CNOT6: variants seen among roughly 807,000 people sequenced by gnomAD.
The protein encoded by CNOT6 is carbon catabolite repression 4 protein.
In CNOT6, 12 loss-of-function variants were observed where a neutral mutation model predicts 61.2. The observed-to-expected ratio is 0.20, with a 90% CI of 0.13 to 0.32. The LOEUF (loss-of-function observed/expected upper bound fraction) is 0.32. Among genes scored for constraint, CNOT6 ranks in the 10% least tolerant of loss-of-function variants. The pLI is 1.00. For missense variants in CNOT6, 405 were observed against 663.9 expected, an observed-to-expected ratio of 0.61 and a Z score of 4.28; for synonymous variants, 225 against 240.6, an observed-to-expected ratio of 0.94 and a Z score of 0.60.
Position 180,541,438 on chromosome 5 carries a change from GA to G in CNOT6, c.113-8490del, listed in dbSNP as rs1260530096. Among the ~76,000 whole-genome samples, 52 of 54,462 alleles carry G rather than the reference GA, an allele frequency of 9.5e-4. 5 individuals carry two copies. Among genetic ancestry groups the G allele is most frequent in the African/African-American group, 2.5e-3 (46 of 18,244 alleles). 35.7% of individuals were successfully genotyped at this position (54,462 alleles called of 152,430 possible). On this transcript the variant is annotated intron_variant, in intron 2 of 11. Transcript: ENST00000261951. ...GGCATGAACCACCACAACTGGCCAA[GA>G]AATTTTTTTTTTTTTTTTTTTTTTT...
Position 180,564,729 on chromosome 5 carries a change from G to A in CNOT6, c.545G>A (p.Arg182Lys). ...TGGATTATGTTACAAGAACCAGATA[G>A]GACAAGGCCAACTGGTTGGTAGTCT... ...RSWIMLQEPD[R>K]TRPTALFSVM... Residue 182 changes from arginine (R) to lysine (K), a missense_variant, in exon 6 of 12, where the codon AGG becomes AAG. Physicochemically the swap from Arg to Lys is conservative, Grantham distance 26. Coordinates refer to ENST00000261951, the MANE Select transcript of CNOT6 (RefSeq NM_001370472.1). The A allele has an allele frequency of 6.2e-7, 1 of 1,613,622 alleles. No individual in the cohort carries two copies. The highest frequency in any genetic ancestry group is 1.1e-5 in the South Asian group (1 of 91,070).
rs1041536374 is a variant in CNOT6 at position 180,552,105 on chromosome 5, A to G, written c.300-1281A>G. 1.2e-4 allele frequency among the ~76,000 whole-genome samples: 18 copies of G among 151,596 alleles called. 2 individuals are homozygous for G. The highest frequency in any genetic ancestry group is 4.4e-4 in the African/African-American group (18 of 41,374). ...GCTAGTCTCAAACTCCTGACCTCAA[A>G]TGATCTGCCTGCCTCGGCCTCCCAA... is the stretch of plus-strand genomic sequence containing the variant. On this transcript the variant is annotated intron_variant, in intron 3 of 11. Transcript: ENST00000261951.
chr5:180,547,474 C>A (rs1170302719), intron 2 of CNOT6, among the ~76,000 whole-genome samples: 5 of 151,740 alleles, frequency 3.3e-5, no homozygotes, highest in Admixed American at 1.3e-4. Flanking sequence ...GAGCTGAGAT[C>A]GCGCCACTGC....
At chr5:180,562,772 C>A (rs1760251999) in intron 4 of CNOT6, among the ~76,000 whole-genome samples, 2 of 152,020 alleles carry the variant, frequency 1.3e-5, no homozygotes, top group African/African-American at 4.8e-5. Flanking sequence ...AACAGCATCA[C>A]TGTAGGTCTG....
chr5:180,574,024 C>A lies in CNOT6; in HGVS notation c.1498C>A (p.Leu500Met). The A allele has an allele frequency of 6.2e-7, 1 of 1,613,894 alleles. No individual in the cohort carries two copies. The highest frequency in any genetic ancestry group is 1.1e-5 in the South Asian group (1 of 91,050). Residue 500 changes from leucine to methionine, a missense_variant, in exon 12 of 12, where the codon CTG becomes ATG. Physicochemically the swap from Leu to Met is conservative, Grantham distance 15. Transcript: ENST00000261951. The stretch of plus-strand genomic sequence containing the variant: ...CTACATTTTCTATTCTAAACCTCAG[C>A]TGAACACCTTAGGCATCCTGGGCCC... ...IDYIFYSKPQ[L>M]NTLGILGPLD...
intron 1 of CNOT6, among the ~76,000 whole-genome samples, chr5:180,523,609 G>T (rs888502872): frequency 6.6e-6 from 1 of 151,950 alleles, no homozygotes; most frequent in Non-Finnish European, 1.5e-5. Context: ...TTTTCTGCTT[G>T]GTCTTTGTGG....
intron 1 of CNOT6, among the ~76,000 whole-genome samples, chr5:180,521,301 A>C (rs1757869356): frequency 6.6e-6 from 1 of 152,214 alleles, no homozygotes; most frequent in East Asian, 1.9e-4. Flanking sequence ...AGAACAATGT[A>C]GGTAAGAAAT....
At chr5:180,509,190 G>C (rs900607713) in intron 1 of CNOT6, among the ~76,000 whole-genome samples, 10 of 152,068 alleles carry the variant, frequency 6.6e-5, no homozygotes, top group Non-Finnish European at 1.5e-4. Context: ...GGAATGCAGT[G>C]GTGCGATCTT....
intron 1 of CNOT6, among the ~76,000 whole-genome samples, chr5:180,512,244 C>T (rs1009577693): frequency 3.3e-5 from 5 of 152,178 alleles, no homozygotes; most frequent in African/African-American, 1.2e-4. Context: ...TGAGCAGACC[C>T]ACTGTGGAGG....
intron 1 of CNOT6, among the ~76,000 whole-genome samples, chr5:180,505,422 A>AT (rs531202920): frequency 0.012 from 1,627 of 132,366 alleles, 41 homozygotes; most frequent in African/African-American, 0.044. Flanking sequence ...CACCCAGCTA[A>AT]TTTTTTTTGT....
At chr5:180,545,228 C>T (rs915372967) in intron 2 of CNOT6, among the ~76,000 whole-genome samples, 2 of 152,130 alleles carry the variant, frequency 1.3e-5, no homozygotes, top group Non-Finnish European at 1.5e-5. Context: ...TGACTGTGTA[C>T]ACCCGTGAAA....
chr5:180,502,064 G>A (rs1478659780), intron 1 of CNOT6, among the ~76,000 whole-genome samples: 2 of 152,080 alleles, frequency 1.3e-5, no homozygotes, highest in Non-Finnish European at 2.9e-5. Flanking sequence ...AAGGAAAGAA[G>A]GGTAATAGTT....
intron 1 of CNOT6, among the ~76,000 whole-genome samples, chr5:180,496,997 G>A (rs866796018): frequency 2.6e-5 from 4 of 152,164 alleles, no homozygotes; most frequent in African/African-American, 7.2e-5. Context: ...GTGTAAAGGC[G>A]TTGTAGGAAT....
chr5:180,541,210 C>G (rs1241911442), intron 2 of CNOT6, among the ~76,000 whole-genome samples: 1 of 151,610 alleles, frequency 6.6e-6, no homozygotes, highest in African/African-American at 2.4e-5. Flanking sequence ...ACAATCTCAC[C>G]TCACTGCAAC....
chr5:180,528,070 GAACCACTGTTGTAGCCTGAC>G (rs1406111848), intron 1 of CNOT6, among the ~76,000 whole-genome samples: 5 of 144,604 alleles, frequency 3.5e-5, no homozygotes, highest in African/African-American at 1.2e-4. Flanking sequence ...AAAAGGTTGG[GAACCACTGTTGTAGCCTGAC>G]TATCCATTTA....
chr5:180,531,845 G>T (rs1434783481), intron 2 of CNOT6, among the ~76,000 whole-genome samples: 1 of 152,210 alleles, frequency 6.6e-6, no homozygotes, highest in African/African-American at 2.4e-5. Context: ...CCAGTCAGGC[G>T]TGGCGGCGCG....
intron 2 of CNOT6, among the ~76,000 whole-genome samples, chr5:180,538,699 T>TATATAC (rs1758851017): frequency 1.1e-5 from 1 of 89,176 alleles, no homozygotes; most frequent in Non-Finnish European, 2.5e-5. Flanking sequence ...TATATATATA[T>TATATAC]ATATATATAT....
At chr5:180,565,720 A>G in intron 6 of CNOT6, 100 bp from the exon 7 acceptor site, 1 of 1,141,602 alleles carries the variant, frequency 8.8e-7, no homozygotes, top group Non-Finnish European at 1.2e-6. Context: ...GATTGAATGA[A>G]TACGGTCAAA....
In CNOT6 at chr5:180,535,207, G is replaced by A. The variant is rs144418848; in HGVS notation, c.112+5819G>A. ...CTGGGGCAGAGGGAGTCACAAGTACGGTTTTCTTACCGGATATATTGTGTA... is the reference window on the plus strand; with the variant it reads ...CTGGGGCAGAGGGAGTCACAAGTACAGTTTTCTTACCGGATATATTGTGTA... On this transcript the variant is annotated intron_variant, in intron 2 of 11. Coordinates refer to ENST00000261951, the MANE Select transcript of CNOT6 (RefSeq NM_001370472.1). Among the ~76,000 whole-genome samples, 19 of 152,362 alleles carry A rather than the reference G, an allele frequency of 1.2e-4. No individual in the cohort carries two copies. The East Asian group carries it at 3.5e-3, about 28-fold the overall frequency.
Sources: gnomAD v4.1 joint callset for allele counts (sites outside exome capture counted in the v4.1 genomes callset) on GRCh38, gnomAD v4.1.1 for gene constraint, MANE v1.5 for transcripts, NCBI Gene and HGNC (gene_info 2026-07-23, HGNC 2026-07-21) for gene names.